Variants in NTM observed in about 807,000 individuals in gnomAD.
NTM encodes the protein IgLON family member 2.
Under a neutral mutation model 42.1 loss-of-function variants are expected in NTM, and 13 were observed. The ratio of observed to expected loss-of-function variants is 0.31; its 90% CI spans 0.20 to 0.49. NTM has a LOEUF of 0.49. Among genes scored for constraint, NTM ranks in the 20% least tolerant of loss-of-function variants. The pLI is 0.99. For missense variants in NTM, 373 were observed against 452.8 expected, an observed-to-expected ratio of 0.82 and a Z score of 1.60; for synonymous variants, 187 against 179.2, an observed-to-expected ratio of 1.04 and a Z score of -0.35.
At chr11:132,016,674 C>A (rs116999117) in intron 2 of NTM, among the ~76,000 whole-genome samples, 2,029 of 151,960 alleles carry the variant, frequency 0.013, 14 homozygotes, top group Non-Finnish European at 0.022. Flanking sequence ...AGTGGAATTG[C>A]TAGGTCATAT....
At chr11:131,430,295 A>G (rs1035463919) in intron 1 of NTM, among the ~76,000 whole-genome samples, 9 of 152,208 alleles carry the variant, frequency 5.9e-5, no homozygotes, top group African/African-American at 1.9e-4. Context: ...TTAAACTATG[A>G]GGAAGACTTA....
intron 1 of NTM, among the ~76,000 whole-genome samples, chr11:131,875,982 G>A (rs546324009): frequency 6.6e-6 from 1 of 152,332 alleles, no homozygotes; most frequent in African/African-American, 2.4e-5. Flanking sequence ...GGAGAGTCGG[G>A]CCCAGGAGTG....
In NTM at chr11:131,467,648, T is replaced by C. The variant is rs534507404; in HGVS notation, c.82+96760T>C. On this transcript the variant is annotated intron_variant, in intron 1 of 8. Coordinates refer to ENST00000683400, the MANE Select transcript of NTM (RefSeq NM_001352005.2). ...TACTCAAACTGCAGGCTGCAATCCA[T>C]GAGAGGTTATTAAATAATTTAGTGG... Among the ~76,000 whole-genome samples, 9 of 152,298 alleles carry C rather than the reference T, an allele frequency of 5.9e-5. No individual in the cohort carries two copies. The South Asian group carries it at 1.7e-3, about 28-fold the overall frequency.
At chr11:131,734,661 C>T (rs1323323726) in intron 1 of NTM, among the ~76,000 whole-genome samples, 1 of 152,140 alleles carries the variant, frequency 6.6e-6, no homozygotes, top group Non-Finnish European at 1.5e-5. Flanking sequence ...ACTATCAATA[C>T]CCCAGCTCTT....
intron 1 of NTM, among the ~76,000 whole-genome samples, chr11:131,789,637 AAGAAGAAGAAGAAGAAGAAGAAGAAG>A (rs2090492307): frequency 2.5e-4 from 6 of 24,408 alleles, no homozygotes; most frequent in African/African-American, 7.0e-4. Flanking sequence ...AGAAGAAGAA[AAGAAGAAGAAGAAGAAGAAGAAGAAG>A]AAGAAAGCAT....
rs540099480 is a variant in NTM at position 131,714,054 on chromosome 11, C to T, written c.83-197510C>T. 6.2e-4 allele frequency among the ~76,000 whole-genome samples: 94 copies of T among 152,168 alleles called. 1 individual carries two copies. Among genetic ancestry groups the T allele is most frequent in the African/African-American group, 2.2e-3 (91 of 41,516 alleles). On this transcript the variant is annotated intron_variant, in intron 1 of 8. Coordinates refer to ENST00000683400, the MANE Select transcript of NTM (RefSeq NM_001352005.2). ...CTTGAGGCTTTCTTCCCTTACTGGT[C>T]GAGTATTTCTAGAGGAAGATCATGT...
At chr11:131,652,493 A>C (rs2066624758) in intron 1 of NTM, among the ~76,000 whole-genome samples, 2 of 152,188 alleles carry the variant, frequency 1.3e-5, no homozygotes, top group Non-Finnish European at 2.9e-5. Flanking sequence ...TCAGGGACCC[A>C]GGCTCATCTC....
intron 2 of NTM, among the ~76,000 whole-genome samples, chr11:132,069,615 A>G: frequency 6.6e-6 from 1 of 150,980 alleles, no homozygotes; most frequent in South Asian, 2.1e-4. Context: ...TTAACACATC[A>G]CACTGACCGT....
At position 132,212,029 on chromosome 11, in the gene NTM, C is replaced by CA; in HGVS notation, c.412dup (p.Ile138AsnfsTer11). 1 of 1,607,448 alleles carries CA rather than the reference C, an allele frequency of 6.2e-7. No individual in the cohort carries two copies. The highest frequency in any genetic ancestry group is 8.5e-7 in the Non-Finnish European group (1 of 1,177,784). On this transcript the variant is annotated frameshift_variant, in exon 4 of 9. Transcript: ENST00000683400. LOFTEE classifies it high-confidence loss of function. ...TCTGTCTTGTTTCCACAGTATCTCC[C>CA]AAAATTGTAGAGATTTCTTCAGATA...
intron 1 of NTM, among the ~76,000 whole-genome samples, chr11:131,524,991 G>T (rs1012407228): frequency 2.0e-5 from 3 of 152,142 alleles, no homozygotes; most frequent in African/African-American, 7.2e-5. Context: ...TGGTACAGGG[G>T]ATGCCTGATA....
In NTM at chr11:131,408,885, T is replaced by A. The variant is rs1230101515; in HGVS notation, c.82+37997T>A. Among the ~76,000 whole-genome samples the A allele has an allele frequency of 3.3e-5, 5 of 152,314 alleles. No homozygotes were observed. The East Asian group carries it at 9.7e-4, about 29-fold the overall frequency. On this transcript the variant is annotated intron_variant, in intron 1 of 8. Transcript: ENST00000683400. Reference sequence around the variant, plus strand: ...TCAGTGGAGGGTGAGGCAATTCCTTTAATTTACTCCAGAGGCATCATATCA... The same window carrying A: ...TCAGTGGAGGGTGAGGCAATTCCTTAAATTTACTCCAGAGGCATCATATCA...
chr11:131,465,122 G>T (rs1951766865), intron 1 of NTM, among the ~76,000 whole-genome samples: 1 of 152,228 alleles, frequency 6.6e-6, no homozygotes, highest in Non-Finnish European at 1.5e-5. Flanking sequence ...TTTGCTGTAT[G>T]TTAGGCAATT....
At chr11:131,406,060 C>A (rs1294519554) in intron 1 of NTM, among the ~76,000 whole-genome samples, 1 of 152,166 alleles carries the variant, frequency 6.6e-6, no homozygotes, top group East Asian at 1.9e-4. Flanking sequence ...CTGAAACTGT[C>A]CTGTTAATTT....
intron 3 of NTM, among the ~76,000 whole-genome samples, chr11:132,188,452 G>A (rs2078781947): frequency 6.6e-6 from 1 of 152,028 alleles, no homozygotes; most frequent in African/African-American, 2.4e-5. Context: ...CAGACTCCAG[G>A]GCACCCTTCC....
In NTM at chr11:132,288,627, CT is replaced by C. The variant is rs57497224; in HGVS notation, c.527-19053del. ...ATACTTTTTTTCTTTCTTTCTTTTT[CT>C]TTTTTTTTGGGACAGAGTTTCGCTT... On this transcript the variant is annotated intron_variant, in intron 4 of 8. Transcript: ENST00000683400. Among the ~76,000 whole-genome samples, 843 of 150,924 alleles carry C rather than the reference CT, an allele frequency of 5.6e-3. 8 individuals are homozygous for C. Among genetic ancestry groups the C allele is most frequent in the African/African-American group, 0.019 (801 of 41,208 alleles).
intron 1 of NTM, among the ~76,000 whole-genome samples, chr11:131,479,803 A>C (rs752733547): frequency 5.3e-5 from 8 of 152,250 alleles, no homozygotes; most frequent in Non-Finnish European, 8.8e-5. Context: ...TGAGAACGTC[A>C]GCACAGAAAG....
intron 2 of NTM, among the ~76,000 whole-genome samples, chr11:131,943,374 C>T (rs1346379717): frequency 3.3e-5 from 5 of 152,206 alleles, no homozygotes; most frequent in South Asian, 2.1e-4. Context: ...GTCCCAGAGC[C>T]GGCTCTGCTG....
At chr11:132,311,645 C>CCAAA (rs998639380) in intron 6 of NTM, among the ~76,000 whole-genome samples, 56 of 152,276 alleles carry the variant, frequency 3.7e-4, no homozygotes, top group African/African-American at 1.3e-3. Context: ...TTGAACCAAA[C>CCAAA]CAAACAAAAA....
intron 1 of NTM, among the ~76,000 whole-genome samples, chr11:131,763,730 T>TTTTTTTTTTTTTTTTTTTTC (rs2084643272): frequency 6.8e-6 from 1 of 147,018 alleles, no homozygotes; most frequent in Non-Finnish European, 1.5e-5. Context: ...TTTTTTTTTT[T>TTTTTTTTTTTTTTTTTTTTC]TTTTTGGCAT....
Sources: allele counts gnomAD v4.1 joint callset (sites outside exome capture counted in the v4.1 genomes callset), GRCh38; gene constraint gnomAD v4.1.1; transcripts MANE v1.5; gene names NCBI Gene and HGNC (gene_info 2026-07-23, HGNC 2026-07-21).